PEG3: variants seen among roughly 807,000 people sequenced by gnomAD.
PEG3 encodes the protein paternally expressed 3, also known as paternally-expressed gene 3 protein.
Under a neutral mutation model 35.5 loss-of-function variants are expected in PEG3, and 23 were observed. The observed-to-expected ratio is 0.65, with a 90% CI of 0.47 to 0.92. PEG3 has a LOEUF of 0.92. Ranked by LOEUF, PEG3 falls within the 40% of genes least tolerant of loss-of-function variation. The pLI, the probability that PEG3 is intolerant of heterozygous loss-of-function variation, is 0.00. For synonymous variants in PEG3, 707 were observed against 697.0 expected (o/e 1.01, Z -0.23); for missense variants, 1,960 against 1,985.3 (o/e 0.99, Z 0.24).
At chr19:56,832,835 C>A (rs911434381) in intron 2 of PEG3, among the ~76,000 whole-genome samples, 3 of 152,180 alleles carry the variant, frequency 2.0e-5, no homozygotes, top group African/African-American at 7.2e-5. Context: ...ACAAGCCTGG[C>A]GCTGCCTGCT....
chr19:56,812,756 A>G lies in PEG3; in HGVS notation c.*919T>C. The G allele has an allele frequency of 1.0e-6, 1 of 984,740 alleles. No homozygotes were observed. Among genetic ancestry groups the G allele is most frequent in the Non-Finnish European group, 1.2e-6 (1 of 829,232 alleles). The allele number at this position is 984,740 out of a possible 1,614,324, so 61.0% of individuals were successfully genotyped here. On this transcript the variant is annotated 3_prime_UTR_variant, in exon 10 of 10. Coordinates refer to ENST00000326441, the MANE Select transcript of PEG3 (RefSeq NM_006210.3). ...CATTCTTTAAAGGCAAAGATGTAAG[A>G]TTTACAGGGAAAAGCTTCGGGTTTT...
intron 1 of PEG3, among the ~76,000 whole-genome samples, chr19:56,840,020 G>A (rs2062805801): frequency 6.6e-6 from 1 of 152,184 alleles, no homozygotes; most frequent in Non-Finnish European, 1.5e-5. Flanking sequence ...CACCACTGCG[G>A]CAAACAAGCC....
intron 8 of PEG3, 51 bp from the exon 9 acceptor site, chr19:56,817,886 G>T: frequency 1.4e-6 from 2 of 1,412,400 alleles, no homozygotes; most frequent in Non-Finnish European, 2.0e-6. Flanking sequence ...TGAGGACCAA[G>T]ACTCATCACC....
At chr19:56,840,062 G>A (rs1005181216) in intron 1 of PEG3, among the ~76,000 whole-genome samples, 2 of 152,194 alleles carry the variant, frequency 1.3e-5, no homozygotes, top group Non-Finnish European at 2.9e-5. Flanking sequence ...GCACGCCGGC[G>A]CCGCGAGGCC....
intron 1 of PEG3, among the ~76,000 whole-genome samples, chr19:56,839,846 G>A (rs1274887211): frequency 6.7e-6 from 1 of 149,314 alleles, no homozygotes; most frequent in African/African-American, 2.5e-5. Context: ...AGACGATTAC[G>A]TCCAATGCCA....
chr19:56,815,357 C>T lies in PEG3; in HGVS notation c.3085G>A (p.Ala1029Thr). 1.9e-6 allele frequency: 3 copies of T among 1,614,238 alleles called. No individual in the cohort carries two copies. The East Asian group carries it at 6.7e-5, about 36-fold the overall frequency. Residue 1029 changes from alanine to threonine, a missense_variant, in exon 10 of 10, where the codon GCG (alanine) becomes ACG (threonine). Physicochemically the swap from Ala to Thr is moderately conservative, Grantham distance 58. Around this residue, in one of 5 missense-constraint regions of PEG3, gnomAD observed 798 missense variants for 782.4 expected, o/e 1.02. Transcript: ENST00000326441. ...YAQEQYAKEQ[A>T]RNKCKDFRQF... is the part of the protein sequence containing the mutation. ...CTGAAGTCCTTACATTTGTTCCGCG[C>T]TTGCTCTTTAGCATACTGCTCTTGG... is the stretch of plus-strand genomic sequence containing the variant.
At position 56,836,051 on chromosome 19, in the gene PEG3, C is replaced by A; in HGVS notation, c.-196G>T. The stretch of plus-strand genomic sequence containing the variant: ...AGCCACCTAGCGTTTGGACCTAGTC[C>A]CTCTTCCTCTCGCCAGTCGTCTCCA... On this transcript the variant is annotated 5_prime_UTR_variant, in exon 2 of 10. Coordinates refer to ENST00000326441, the MANE Select transcript of PEG3 (RefSeq NM_006210.3). 1 of 509,622 alleles carries A rather than the reference C, an allele frequency of 2.0e-6. No homozygotes were observed. Among genetic ancestry groups the A allele is most frequent in the Non-Finnish European group, 3.9e-6 (1 of 255,554 alleles). The allele number at this position is 509,622 out of a possible 1,614,324, so 31.6% of individuals were successfully genotyped here.
chr19:56,827,692 GTGT>G lies in PEG3; in HGVS notation c.-162-1232_-162-1230del, dbSNP rs368070807. ...TATGTGCAAGAATATATTCATTGAA[GTGT>G]TGTTAATAGACAAGATATGTTATGT... is the stretch of plus-strand genomic sequence containing the variant. On this transcript the variant is annotated intron_variant, in intron 2 of 9. Coordinates refer to ENST00000326441, the MANE Select transcript of PEG3 (RefSeq NM_006210.3). 3.0e-3 allele frequency among the ~76,000 whole-genome samples: 452 copies of G among 152,314 alleles called. 1 individual carries two copies. The highest frequency in any genetic ancestry group is 9.6e-3 in the African/African-American group (398 of 41,546).
Position 56,814,675 on chromosome 19 carries a change from C to G in PEG3, c.3767G>C (p.Ser1256Thr). ...LHREDDLLEQSQMAEEAIIPG... is the reference protein window; with the variant it reads ...LHREDDLLEQTQMAEEAIIPG... ...AATGATAGCTTCCTCAGCCATCTGG[C>G]TCTGCTCCAGTAAATCATCTTCCCT... Residue 1256 changes from serine to threonine, a missense_variant, in exon 10 of 10, where the codon AGC (serine) becomes ACC (threonine). Around this residue, in one of 5 missense-constraint regions of PEG3, gnomAD observed 416 missense variants for 416.7 expected, o/e 1.00. Coordinates refer to ENST00000326441, the MANE Select transcript of PEG3 (RefSeq NM_006210.3). This position sits in a 1 kb window ranked among gnomAD's most constrained non-coding sequence, Gnocchi z 5.8. 3 of 1,614,090 alleles carry G rather than the reference C, an allele frequency of 1.9e-6. No individual in the cohort carries two copies. The highest frequency in any genetic ancestry group is 1.1e-5 in the South Asian group (1 of 91,072).
Position 56,817,173 on chromosome 19 carries a change from T to C in PEG3, c.1269A>G (p.Arg423=), listed in dbSNP as rs755948976. The C allele has an allele frequency of 3.7e-5, 59 of 1,614,094 alleles. No individual in the cohort carries two copies. Among genetic ancestry groups the C allele is most frequent in the Non-Finnish European group, 4.7e-5 (56 of 1,180,038 alleles). Residue 423 remains arginine, a synonymous_variant, in exon 10 of 10, where the codon AGA becomes AGG. Transcript: ENST00000326441. ...TCAGGCTGCTCACGCTCATGGCTTT[T>C]CTCATCTCACTACCACATTCAAAGG... ...KKPFECGSEM[R]KAMSVSSLSS...
chr19:56,815,652 A>G lies in PEG3; in HGVS notation c.2790T>C (p.Arg930=), dbSNP rs35944973. The G allele has an allele frequency of 5.6e-4, 896 of 1,614,160 alleles. 3 individuals carry two copies. The African/African-American group carries it at 0.011, about 19-fold the overall frequency. Residue 930 remains arginine, a synonymous_variant, in exon 10 of 10, where the codon CGT becomes CGC. Transcript: ENST00000326441. ...TTTTAGCACGAGCCTTCTGGTATTC[A>G]CGGACATTTGAGCTGGGAACAGAGA... ...GEFSVPSSNV[R]EYQKARAKKK...
intron 1 of PEG3, among the ~76,000 whole-genome samples, chr19:56,838,831 C>T (rs2062550332): frequency 6.6e-6 from 1 of 152,178 alleles, no homozygotes; most frequent in African/African-American, 2.4e-5. Context: ...GGCAGGCAAG[C>T]ACAGCAACCG....
Position 56,811,525 on chromosome 19 carries a change from T to C in PEG3, c.*2150A>G. ...AATCATTCTCTTGTTTACCATTTGT[T>C]ACTACCTTTTCACTAGCTGAAGGTT... is the stretch of plus-strand genomic sequence containing the variant. On this transcript the variant is annotated 3_prime_UTR_variant, in exon 10 of 10. Transcript: ENST00000326441. 2.0e-6 allele frequency: 2 copies of C among 985,338 alleles called. No homozygotes were observed. The highest frequency in any genetic ancestry group is 4.7e-5 in the South Asian group (1 of 21,280). The allele number at this position is 985,338 out of a possible 1,614,324, so 61.0% of individuals were successfully genotyped here.
At chr19:56,826,032 C>T (rs1006955300) in intron 3 of PEG3, among the ~76,000 whole-genome samples, 1 of 152,178 alleles carries the variant, frequency 6.6e-6, no homozygotes, top group Non-Finnish European at 1.5e-5. Context: ...AATGCAAATG[C>T]CTCGATCCTG....
chr19:56,828,839 T>C (rs2061306999), intron 2 of PEG3, among the ~76,000 whole-genome samples: 2 of 152,188 alleles, frequency 1.3e-5, no homozygotes, highest in Non-Finnish European at 2.9e-5. Flanking sequence ...AAACCTTTTT[T>C]GACCTGTCGA....
Position 56,816,887 on chromosome 19 carries a change from C to A in PEG3, c.1555G>T (p.Ala519Ser). The change falls in exon 10 of 10, where the codon GCC (alanine) becomes TCC (serine). Residue 519 changes from alanine (A) to serine (S), a missense_variant. Physicochemically the swap from Ala to Ser is moderately conservative, Grantham distance 99. Around this residue, in one of 5 missense-constraint regions of PEG3, gnomAD observed 798 missense variants for 782.4 expected, o/e 1.02. Coordinates refer to ENST00000326441, the MANE Select transcript of PEG3 (RefSeq NM_006210.3). ...TGAATCTTCCGATGTTCAGCCAAGGCGGCACTCTTATTGAAGGTCTCTCCA... is the reference window on the plus strand; with the variant it reads ...TGAATCTTCCGATGTTCAGCCAAGGAGGCACTCTTATTGAAGGTCTCTCCA... The part of the protein sequence containing the change: ...DCGETFNKSA[A>S]LAEHRKIHAR... 6.2e-7 allele frequency: 1 copy of A among 1,614,090 alleles called. No homozygotes were observed. Among genetic ancestry groups the A allele is most frequent in the Non-Finnish European group, 8.5e-7 (1 of 1,179,972 alleles).
intron 1 of PEG3, among the ~76,000 whole-genome samples, chr19:56,839,149 G>T (rs2062619599): frequency 6.6e-6 from 1 of 152,026 alleles, no homozygotes; most frequent in Non-Finnish European, 1.5e-5. Context: ...CAGGTGGGTG[G>T]GGCTTGAACA....
In PEG3 at chr19:56,814,133, C is replaced by T. The variant is rs2059751238; in HGVS notation, c.4309G>A (p.Gly1437Arg). ...GEAAEPIGEAGQPNGEAEQPN... is the reference protein window; with the variant it reads ...GEAAEPIGEARQPNGEAEQPN... The stretch of plus-strand genomic sequence containing the variant: ...TGCTCGGCCTCTCCATTTGGCTGTC[C>T]AGCCTCTCCAATGGGCTCTGCAGCC... Residue 1437 changes from glycine to arginine, a missense_variant, in exon 10 of 10, where the codon GGA becomes AGA. Physicochemically the swap from Gly to Arg is moderately radical, Grantham distance 125. This residue lies in a region of PEG3 where 416 missense variants were observed against 416.7 expected (regional missense o/e 1.00). Transcript: ENST00000326441. The surrounding 1 kb of genome is among the most constrained non-coding windows in gnomAD (Gnocchi z 5.8). 2 of 1,614,064 alleles carry T rather than the reference C, an allele frequency of 1.2e-6. No individual in the cohort carries two copies. The highest frequency in any genetic ancestry group is 1.3e-5 in the African/African-American group (1 of 74,940).
chr19:56,826,701 T>C (rs1013970761), intron 2 of PEG3, among the ~76,000 whole-genome samples: 1 of 152,152 alleles, frequency 6.6e-6, no homozygotes, highest in Non-Finnish European at 1.5e-5. Flanking sequence ...AAGACAAAGA[T>C]ATCACTAAGA....
Sources: allele counts gnomAD v4.1 joint callset (sites outside exome capture counted in the v4.1 genomes callset), GRCh38; gene constraint gnomAD v4.1.1; regional missense constraint gnomAD v4.1.1; non-coding constraint Gnocchi (gnomAD v3.1); transcripts MANE v1.5; gene names NCBI Gene and HGNC (gene_info 2026-07-23, HGNC 2026-07-21).